Variants in PCDHGA4 observed in about 807,000 individuals in gnomAD.
The protein encoded by PCDHGA4 is protocadherin gamma subfamily A, 4.
A neutral mutation model predicts 54.6 loss-of-function variants in PCDHGA4; 38 were observed. That is an observed-to-expected ratio of 0.70 (90% CI 0.54 to 0.91). The LOEUF (loss-of-function observed/expected upper bound fraction) is 0.91. Among genes scored for constraint, PCDHGA4 ranks in the 40% least tolerant of loss-of-function variants. The pLI, the probability that PCDHGA4 is intolerant of heterozygous loss-of-function variation, is 0.00. For synonymous variants in PCDHGA4, 511 were observed against 512.9 expected, an observed-to-expected ratio of 1.00 and a Z score of 0.05; for missense variants, 1,298 against 1,220.9, an observed-to-expected ratio of 1.06 and a Z score of -0.94.
intron 1 of PCDHGA4, chr5:141,415,738 A>G (rs2095905853): frequency 5.6e-6 from 3 of 538,228 alleles, no homozygotes; most frequent in South Asian, 3.9e-5. Context: ...ATGTTTATTA[A>G]GGTTTTTTTT....
intron 1 of PCDHGA4, chr5:141,403,938 G>C (rs1181403397): frequency 1.2e-6 from 2 of 1,613,848 alleles, no homozygotes; most frequent in Non-Finnish European, 1.7e-6. Flanking sequence ...GGATTGAAAG[G>C]GTGGACAAAA....
chr5:141,409,205 A>G (rs766592481), intron 1 of PCDHGA4: 3 of 1,614,068 alleles, frequency 1.9e-6, no homozygotes, highest in Non-Finnish European at 1.7e-6. Context: ...TAAAGTAATC[A>G]TAGAAATCCT....
At chr5:141,494,362 A>T (rs527454959) in intron 1 of PCDHGA4, among the ~76,000 whole-genome samples, 47 of 152,300 alleles carry the variant, frequency 3.1e-4, no homozygotes, top group Admixed American at 8.5e-4. Context: ...GCTGCAGAGG[A>T]TGCTTTGTTC....
At chr5:141,414,514 G>A in intron 1 of PCDHGA4, 1 of 1,613,964 alleles carries the variant, frequency 6.2e-7, no homozygotes, top group Non-Finnish European at 8.5e-7. Context: ...GCTACAAGTG[G>A]CAGATATCAA....
chr5:141,482,530 CAAAAA>C (rs3074545), intron 1 of PCDHGA4, among the ~76,000 whole-genome samples: 1 of 76,558 alleles, frequency 1.3e-5, no homozygotes, highest in African/African-American at 4.8e-5. Context: ...GACAGACATG[CAAAAA>C]AAAAAAAAAA....
intron 1 of PCDHGA4, among the ~76,000 whole-genome samples, chr5:141,450,145 T>A (rs2098671113): frequency 6.6e-6 from 1 of 151,890 alleles, no homozygotes; most frequent in South Asian, 2.1e-4. Flanking sequence ...TAGCTGGGAC[T>A]ACAGGCATGT....
chr5:141,389,649 G>T (rs760551875), intron 1 of PCDHGA4: 16 of 1,612,598 alleles, frequency 9.9e-6, no homozygotes, highest in Non-Finnish European at 1.4e-5. Flanking sequence ...GGTGACCAAG[G>T]TAGTGGCGGT....
chr5:141,459,300 A>T (rs954766370), intron 1 of PCDHGA4, among the ~76,000 whole-genome samples: 1 of 152,202 alleles, frequency 6.6e-6, no homozygotes, highest in Non-Finnish European at 1.5e-5. Flanking sequence ...ATCCTATAAC[A>T]TATACTATTT....
intron 1 of PCDHGA4, chr5:141,424,783 T>C (rs1285808638): frequency 1.3e-5 from 2 of 152,212 alleles, no homozygotes; most frequent in African/African-American, 4.8e-5. Flanking sequence ...TACATTCAGT[T>C]CTTTTATTCA....
Position 141,430,867 on chromosome 5 carries a change from G to T in PCDHGA4, c.2515-63940G>T, listed in dbSNP as rs1157718106. ...GCACCCAGATACGCTATTCAGTTCC[G>T]GAAGAGCTGGAGAAAGGCTCTAGGG... On this transcript the variant is annotated intron_variant, in intron 1 of 3. Coordinates refer to ENST00000571252, the MANE Select transcript of PCDHGA4 (RefSeq NM_018917.4). 2.5e-6 allele frequency: 4 copies of T among 1,596,238 alleles called. No individual in the cohort carries two copies. In the East Asian group the frequency reaches 8.9e-5, roughly 36 times the overall value.
chr5:141,393,111 C>A (rs762190466), intron 1 of PCDHGA4: 1 of 1,613,380 alleles, frequency 6.2e-7, no homozygotes, highest in African/African-American at 1.3e-5. Flanking sequence ...CGCTCAGAGC[C>A]CGCGGTGTCT....
intron 1 of PCDHGA4, among the ~76,000 whole-genome samples, chr5:141,482,104 A>T (rs11748215): frequency 0.23 from 34,477 of 150,324 alleles, 4,798 homozygotes; most frequent in African/African-American, 0.39. Context: ...AAAAAAAAAA[A>T]ATATCTAGAG....
chr5:141,469,992 G>T (rs894673835), intron 1 of PCDHGA4, among the ~76,000 whole-genome samples: 2 of 152,056 alleles, frequency 1.3e-5, no homozygotes, highest in Non-Finnish European at 2.9e-5. Context: ...TTAGCTGGTC[G>T]TCGTGGCACG....
At position 141,405,363 on chromosome 5, in the gene PCDHGA4, C is replaced by T. The variant is rs765508317; in HGVS notation, c.2514+47742C>T. The T allele has an allele frequency of 2.0e-5, 33 of 1,613,690 alleles. No individual in the cohort carries two copies. The highest frequency in any genetic ancestry group is 2.7e-5 in the African/African-American group (2 of 74,888). On this transcript the variant is annotated intron_variant, in intron 1 of 3. Coordinates refer to ENST00000571252, the MANE Select transcript of PCDHGA4 (RefSeq NM_018917.4). ...GATTCCAAGTTTCCTATAGAAGACACCCCTTTGGTTCCGGTGAGTTCATTT... is the reference window on the plus strand; with the variant it reads ...GATTCCAAGTTTCCTATAGAAGACATCCCTTTGGTTCCGGTGAGTTCATTT...
Position 141,432,059 on chromosome 5 carries a change from A to T in PCDHGA4, c.2515-62748A>T. On this transcript the variant is annotated intron_variant, in intron 1 of 3. Transcript: ENST00000571252. This position sits in a 1 kb window ranked among gnomAD's most constrained non-coding sequence, Gnocchi z 6.0. ...TGACCGGGGAACCCCGCCCCTATCC[A>T]CGGAAACTCATATCTCGCTGAACGT... The T allele has an allele frequency of 6.2e-7, 1 of 1,614,170 alleles. No homozygotes were observed. Among genetic ancestry groups the T allele is most frequent in the Non-Finnish European group, 8.5e-7 (1 of 1,180,030 alleles).
At chr5:141,417,532 T>C (rs2096129143) in intron 1 of PCDHGA4, 1 of 284,726 alleles carries the variant, frequency 3.5e-6, no homozygotes, top group African/African-American at 2.2e-5. Flanking sequence ...ACTCGTAGTT[T>C]AAAAAAAATT....
chr5:141,438,074 T>C (rs963146682), intron 1 of PCDHGA4, among the ~76,000 whole-genome samples: 10 of 152,116 alleles, frequency 6.6e-5, no homozygotes, highest in African/African-American at 2.4e-4. Flanking sequence ...CCATACTTAA[T>C]GGAAAATTAC....
intron 1 of PCDHGA4, chr5:141,400,205 C>CCACCACCA: frequency 6.2e-7 from 1 of 1,614,016 alleles, no homozygotes; most frequent in South Asian, 1.1e-5. Flanking sequence ...GTGGCCTTGG[C>CCACCACCA]CTTGATCTCA....
intron 1 of PCDHGA4, chr5:141,365,337 C>T: frequency 1.9e-6 from 3 of 1,613,956 alleles, no homozygotes; most frequent in Non-Finnish European, 2.5e-6. Flanking sequence ...GTGGTGGTCA[C>T]AGTACAGGAC....
Sources: gnomAD v4.1 joint callset for allele counts (sites outside exome capture counted in the v4.1 genomes callset) on GRCh38, gnomAD v4.1.1 for gene constraint, Gnocchi (gnomAD v3.1) non-coding constraint, MANE v1.5 for transcripts, NCBI Gene and HGNC (gene_info 2026-07-23, HGNC 2026-07-21) for gene names.